Variants in PTPRN2 observed in about 807,000 individuals in gnomAD.
The protein encoded by PTPRN2 is receptor-type tyrosine-protein phosphatase N2.
A neutral mutation model predicts 118.8 loss-of-function variants in PTPRN2; 74 were observed. That is an observed-to-expected ratio of 0.62 (90% CI 0.52 to 0.76). PTPRN2 has a LOEUF of 0.76. PTPRN2 is among the 30% of genes least tolerant of loss of function. The pLI is 0.00. For synonymous variants in PTPRN2, 641 were observed against 608.0 expected, an observed-to-expected ratio of 1.05 and a Z score of -0.80; for missense variants, 1,481 against 1,394.4, an observed-to-expected ratio of 1.06 and a Z score of -0.99.
chr7:157,561,829 C>T (rs1184375736), intron 21 of PTPRN2, among the ~76,000 whole-genome samples: 2 of 152,260 alleles, frequency 1.3e-5, no homozygotes, highest in Non-Finnish European at 2.9e-5. Flanking sequence ...GAAGATGCAG[C>T]AGGAGGATGG....
At chr7:158,298,132 G>A (rs944653641) in intron 3 of PTPRN2, among the ~76,000 whole-genome samples, 2 of 152,096 alleles carry the variant, frequency 1.3e-5, no homozygotes. Context: ...TCGGTAAAAA[G>A]AGCTCTGTAA....
intron 11 of PTPRN2, among the ~76,000 whole-genome samples, chr7:158,033,498 G>A (rs564168840): frequency 7.9e-5 from 12 of 152,152 alleles, no homozygotes; most frequent in African/African-American, 1.9e-4. Context: ...GTGACAGGAC[G>A]GGGGCTGTCC....
chr7:158,117,955 G>A (rs1420290448), intron 9 of PTPRN2, among the ~76,000 whole-genome samples: 2 of 152,070 alleles, frequency 1.3e-5, no homozygotes, highest in African/African-American at 4.8e-5. Context: ...AAAGGACACT[G>A]GACAATAACT....
chr7:158,010,091 T>C (rs934468680), intron 11 of PTPRN2, among the ~76,000 whole-genome samples: 11 of 152,186 alleles, frequency 7.2e-5, no homozygotes, highest in African/African-American at 2.7e-4. Context: ...CCTGTCCTTG[T>C]GGAGGAGGCA....
At chr7:158,457,461 C>T (rs1308989383) in intron 2 of PTPRN2, among the ~76,000 whole-genome samples, 1 of 151,962 alleles carries the variant, frequency 6.6e-6, no homozygotes. Context: ...ACAGCGGATG[C>T]GCGGCCCCAG....
intron 2 of PTPRN2, among the ~76,000 whole-genome samples, chr7:158,333,349 C>A (rs1249121148): frequency 4.2e-5 from 6 of 143,446 alleles, no homozygotes; most frequent in African/African-American, 1.6e-4. Context: ...GAGGTGACAC[C>A]TGCAGACGTC....
At chr7:157,932,336 C>T (rs1343192993) in intron 11 of PTPRN2, among the ~76,000 whole-genome samples, 1 of 152,264 alleles carries the variant, frequency 6.6e-6, no homozygotes, top group Non-Finnish European at 1.5e-5. Flanking sequence ...CCACATGAGG[C>T]CCTGCATACC....
chr7:157,634,074 C>T (rs1804141790), intron 14 of PTPRN2, among the ~76,000 whole-genome samples: 2 of 152,146 alleles, frequency 1.3e-5, no homozygotes, highest in South Asian at 4.1e-4. Context: ...GGGTGCACCG[C>T]GTCCTGCAGG....
Position 158,438,533 on chromosome 7 carries a change from A to G in PTPRN2, c.163+51202T>C, listed in dbSNP as rs1816748925. On this transcript the variant is annotated intron_variant, in intron 2 of 22. Coordinates refer to ENST00000389418, the MANE Select transcript of PTPRN2 (RefSeq NM_002847.5). The surrounding 1 kb of genome is among the most constrained non-coding windows in gnomAD (Gnocchi z 4.7). ...TCCCGGTTGCCTCCGCAGCTCCCCA[A>G]AGCAGGCATTCTGTGGATTTTACCC... Among the ~76,000 whole-genome samples, 1 of 152,162 alleles carries G rather than the reference A, an allele frequency of 6.6e-6. No individual in the cohort carries two copies. Among genetic ancestry groups the G allele is most frequent in the Non-Finnish European group, 1.5e-5 (1 of 68,016 alleles).
chr7:158,268,554 TGTAATATCCCAGCCGCAC>T (rs1798055976), intron 3 of PTPRN2, among the ~76,000 whole-genome samples: 2 of 125,776 alleles, frequency 1.6e-5, no homozygotes, highest in African/African-American at 3.2e-5. Context: ...AGGGCGGGTG[TGTAATATCCCAGCCGCAC>T]GCACACAGGG....
At chr7:157,876,943 C>T (rs542342153) in intron 12 of PTPRN2, among the ~76,000 whole-genome samples, 105 of 152,316 alleles carry the variant, frequency 6.9e-4, no homozygotes, top group South Asian at 5.0e-3. Context: ...ATGCCCTGGA[C>T]GGCCTCGCTA....
chr7:157,834,626 G>A (rs1440891525), intron 12 of PTPRN2, among the ~76,000 whole-genome samples: 1 of 152,270 alleles, frequency 6.6e-6, no homozygotes. Context: ...GGGAAGTCAG[G>A]GCGAGCGGGC....
intron 2 of PTPRN2, among the ~76,000 whole-genome samples, chr7:158,428,572 T>C (rs953348112): frequency 2.0e-5 from 3 of 152,234 alleles, no homozygotes; most frequent in South Asian, 4.1e-4. Flanking sequence ...ACCGGAATTT[T>C]CTTATGTTCT....
chr7:158,205,369 T>G, intron 3 of PTPRN2, 96 bp from the exon 4 acceptor site: 1 of 845,412 alleles, frequency 1.2e-6, no homozygotes, highest in South Asian at 1.5e-5. Flanking sequence ...CAGCATTAAG[T>G]TGATGGTCCC....
In PTPRN2 at chr7:157,842,437, C is replaced by G. The variant is rs370621395; in HGVS notation, c.1788+56236G>C. Among the ~76,000 whole-genome samples, 111 of 116,328 alleles carry G rather than the reference C, an allele frequency of 9.5e-4. 3 individuals carry two copies. Among genetic ancestry groups the G allele is most frequent in the African/African-American group, 3.6e-3 (107 of 29,940 alleles). The allele number at this position is 116,328 out of a possible 152,430, so 76.3% of individuals were successfully genotyped here. A position where few individuals can be genotyped will look rare whatever the true frequency, so the allele number is the denominator to read the frequency against. ...TTTTTTTTTTTTTTTTTTTTTGAGA[C>G]GGTGTCTCGCTCTGTCACCCAGGCT... On this transcript the variant is annotated intron_variant, in intron 12 of 22. Coordinates refer to ENST00000389418, the MANE Select transcript of PTPRN2 (RefSeq NM_002847.5).
At chr7:157,722,290 G>A (rs1799283003) in intron 12 of PTPRN2, among the ~76,000 whole-genome samples, 1 of 152,266 alleles carries the variant, frequency 6.6e-6, no homozygotes, top group Non-Finnish European at 1.5e-5. Context: ...GCTGACTGCA[G>A]CCTGGCATTG....
In PTPRN2 at chr7:157,634,558, G is replaced by A. The variant is rs373241011; in HGVS notation, c.2197-13049C>T. Reference sequence around the variant, plus strand: ...TCCTGAAACACAGACCAAGGCATCCGGGTGCCTGTGTGCACACAGGGCTGC... The same window carrying A: ...TCCTGAAACACAGACCAAGGCATCCAGGTGCCTGTGTGCACACAGGGCTGC... On this transcript the variant is annotated intron_variant, in intron 14 of 22. Coordinates refer to ENST00000389418, the MANE Select transcript of PTPRN2 (RefSeq NM_002847.5). Among the ~76,000 whole-genome samples, 12 of 152,280 alleles carry A rather than the reference G, an allele frequency of 7.9e-5. No homozygotes were observed. In the East Asian group the frequency reaches 2.3e-3, roughly 29 times the overall value.
At chr7:157,806,049 G>A (rs923001734) in intron 12 of PTPRN2, among the ~76,000 whole-genome samples, 1 of 152,180 alleles carries the variant, frequency 6.6e-6, no homozygotes, top group African/African-American at 2.4e-5. Flanking sequence ...GTGGGAAGAT[G>A]TGCACACAGT....
At chr7:158,177,084 T>C (rs1229164148) in intron 5 of PTPRN2, among the ~76,000 whole-genome samples, 2 of 152,204 alleles carry the variant, frequency 1.3e-5, no homozygotes, top group Non-Finnish European at 2.9e-5. Flanking sequence ...AGCTTTCCTG[T>C]GAATGCAGGC....
Sources: gnomAD v4.1 joint callset for allele counts (sites outside exome capture counted in the v4.1 genomes callset) on GRCh38, gnomAD v4.1.1 for gene constraint, Gnocchi (gnomAD v3.1) non-coding constraint, MANE v1.5 for transcripts, NCBI Gene and HGNC (gene_info 2026-07-23, HGNC 2026-07-21) for gene names.